Variants in TRAPPC10 observed in about 807,000 individuals in gnomAD.
TRAPPC10 encodes the protein trafficking protein particle complex subunit 10.
In TRAPPC10, 23 loss-of-function variants were observed where a neutral mutation model predicts 125.5. The ratio of observed to expected loss-of-function variants is 0.18; its 90% confidence interval spans 0.13 to 0.26. TRAPPC10 has a LOEUF of 0.26. Among genes scored for constraint, TRAPPC10 ranks in the 10% least tolerant of loss-of-function variants. The pLI, the probability that TRAPPC10 is intolerant of heterozygous loss-of-function variation, is 1.00. For synonymous variants in TRAPPC10, 509 were observed against 518.0 expected (o/e 0.98, Z 0.24); for missense variants, 1,123 against 1,308.4 (o/e 0.86, Z 2.19).
At chr21:44,064,804 CT>C (rs1348463136) in intron 7 of TRAPPC10, among the ~76,000 whole-genome samples, 8 of 152,274 alleles carry the variant, frequency 5.3e-5, no homozygotes, top group African/African-American at 1.9e-4. Context: ...TATTTCAGAG[CT>C]AAGCTCATTA....
rs373150278 is a variant in TRAPPC10, at chr21:44,089,950, G to C, written c.2870+17G>C. The C allele has an allele frequency of 5.6e-6, 9 of 1,597,476 alleles. No homozygotes were observed. The Admixed American group carries it at 1.2e-4, about 21-fold the overall frequency. ...AGGAACACGGTAACGGAGGCGTAGC[G>C]TGCGGGCCCTGGCTTCTTTCCCCAG... On this transcript the variant is annotated intron_variant, in intron 18 of 22. Coordinates refer to ENST00000291574, the MANE Select transcript of TRAPPC10 (RefSeq NM_003274.5).
rs79854733 is a variant in TRAPPC10 at position 44,038,884 on chromosome 21, A to G, written c.285+957A>G. ...CCTTTCCCACGGGCTCCACACAGCC[A>G]GTGAGGACACACGTGAGGAGATTTC... On this transcript the variant is annotated intron_variant, in intron 3 of 22. Coordinates refer to ENST00000291574, the MANE Select transcript of TRAPPC10 (RefSeq NM_003274.5). Among the ~76,000 whole-genome samples, 1,044 of 152,246 alleles carry G rather than the reference A, an allele frequency of 6.9e-3. 8 individuals carry two copies. Among genetic ancestry groups the G allele is most frequent in the African/African-American group, 0.023 (967 of 41,536 alleles).
chr21:44,054,958 G>A (rs1310852940), intron 4 of TRAPPC10, among the ~76,000 whole-genome samples: 2 of 152,168 alleles, frequency 1.3e-5, no homozygotes, highest in African/African-American at 4.8e-5. Flanking sequence ...AGGTCAGCAG[G>A]CTTGAGCTGG....
At chr21:44,036,487 T>C (rs2033993646) in intron 2 of TRAPPC10, among the ~76,000 whole-genome samples, 1 of 152,228 alleles carries the variant, frequency 6.6e-6, no homozygotes, top group African/African-American at 2.4e-5. Flanking sequence ...CACTTCTGTG[T>C]GCAGTTCTGT....
Position 44,016,759 on chromosome 21 carries a change from C to T in TRAPPC10, c.67+4199C>T, listed in dbSNP as rs191935551. On this transcript the variant is annotated intron_variant, in intron 1 of 22. Coordinates refer to ENST00000291574, the MANE Select transcript of TRAPPC10 (RefSeq NM_003274.5). ...CTGCAAGCTCCGCCTCCCGGGTTCA[C>T]GCCATTCTCCTGCCTCAGCCTTCCG... is the stretch of plus-strand genomic sequence containing the variant. Among the ~76,000 whole-genome samples, 180 of 152,170 alleles carry T rather than the reference C, an allele frequency of 1.2e-3. 2 individuals carry two copies. The East Asian group carries it at 0.021, about 18-fold the overall frequency.
At position 44,059,147 on chromosome 21, in the gene TRAPPC10, C is replaced by T. The variant is rs781551997; in HGVS notation, c.723C>T (p.Asp241=). ...TCGAGATGCTGCAGCAGTTCGAGGA[C>T]GCCCTGGTGCAGTACGACGAACTGG... The part of the protein sequence containing the change: ...FVFEMLQQFE[D]ALVQYDELDA... The change falls in exon 6 of 23, where the codon GAC becomes GAT. Residue 241 remains aspartate, a synonymous_variant. Coordinates refer to ENST00000291574, the MANE Select transcript of TRAPPC10 (RefSeq NM_003274.5). This position sits in a 1 kb window ranked among gnomAD's most constrained non-coding sequence, Gnocchi z 4.4. The T allele has an allele frequency of 9.3e-6, 15 of 1,607,706 alleles. No individual in the cohort carries two copies. Among genetic ancestry groups the T allele is most frequent in the East Asian group, 2.2e-5 (1 of 44,680 alleles).
At chr21:44,075,777 C>T (rs1478669263) in intron 9 of TRAPPC10, among the ~76,000 whole-genome samples, 2 of 152,186 alleles carry the variant, frequency 1.3e-5, no homozygotes, top group South Asian at 2.1e-4. Flanking sequence ...TGGCTGGGCA[C>T]GGTGGCTCCC....
At chr21:44,031,596 A>G (rs968899586) in intron 1 of TRAPPC10, among the ~76,000 whole-genome samples, 1 of 152,184 alleles carries the variant, frequency 6.6e-6, no homozygotes, top group Non-Finnish European at 1.5e-5. Context: ...ACAGAATGAG[A>G]GGGTGCCTGG....
chr21:44,026,215 C>A (rs2033054001), intron 1 of TRAPPC10, among the ~76,000 whole-genome samples: 1 of 152,028 alleles, frequency 6.6e-6, no homozygotes, highest in South Asian at 2.1e-4. Flanking sequence ...TCCCTGCCCC[C>A]ACCCCCGACT....
chr21:44,092,642 A>T (rs896670566), intron 19 of TRAPPC10, among the ~76,000 whole-genome samples: 3 of 58 alleles, frequency 0.052, no homozygotes, highest in African/African-American at 0.12. Context: ...TCTTTCAGAT[A>T]TCACTGGGGG....
intron 1 of TRAPPC10, among the ~76,000 whole-genome samples, chr21:44,029,481 G>T (rs1384524837): frequency 6.6e-6 from 1 of 152,198 alleles, no homozygotes; most frequent in Non-Finnish European, 1.5e-5. Context: ...GAAGATTTAA[G>T]AGTTTATTAA....
chr21:44,050,255 A>G lies in TRAPPC10; in HGVS notation c.286-2025A>G, dbSNP rs537748138. On this transcript the variant is annotated intron_variant, in intron 3 of 22. Coordinates refer to ENST00000291574, the MANE Select transcript of TRAPPC10 (RefSeq NM_003274.5). Reference sequence around the variant, plus strand: ...CCAGGATTATGTGGAACTTCTCTGTACTCCCTCTGTCCTGCCTCATGCTCT... The same window carrying G: ...CCAGGATTATGTGGAACTTCTCTGTGCTCCCTCTGTCCTGCCTCATGCTCT... 3.8e-4 allele frequency among the ~76,000 whole-genome samples: 57 copies of G among 151,544 alleles called. 1 individual carries two copies. The Middle Eastern group carries it at 0.021, about 55-fold the overall frequency.
At chr21:44,049,658 T>G (rs1033340414) in intron 3 of TRAPPC10, among the ~76,000 whole-genome samples, 1 of 152,160 alleles carries the variant, frequency 6.6e-6, no homozygotes, top group African/African-American at 2.4e-5. Flanking sequence ...TGTTCTGTAC[T>G]TCCCTCTACT....
intron 19 of TRAPPC10, among the ~76,000 whole-genome samples, chr21:44,092,836 G>A (rs1353842688): frequency 6.6e-6 from 1 of 151,728 alleles, no homozygotes; most frequent in Non-Finnish European, 1.5e-5. Context: ...CGTTCTTGTC[G>A]CCCAGGCTGG....
At chr21:44,069,499 C>T (rs2036696444) in intron 7 of TRAPPC10, among the ~76,000 whole-genome samples, 1 of 152,178 alleles carries the variant, frequency 6.6e-6, no homozygotes, top group Non-Finnish European at 1.5e-5. Context: ...GAAAGGCTTT[C>T]CTCGGGTATC....
intron 1 of TRAPPC10, among the ~76,000 whole-genome samples, chr21:44,029,164 G>A (rs1370836239): frequency 6.6e-6 from 1 of 152,034 alleles, no homozygotes; most frequent in Non-Finnish European, 1.5e-5. Context: ...GCGTGATCTC[G>A]GCTCACTGCA....
chr21:44,060,049 T>A (rs2035915932), intron 6 of TRAPPC10: 1 of 154,870 alleles, frequency 6.5e-6, no homozygotes, highest in Admixed American at 6.3e-5. Context: ...CAGGAGAACC[T>A]GGAGGGAGAT....
At chr21:44,014,159 T>A (rs1251681071) in intron 1 of TRAPPC10, among the ~76,000 whole-genome samples, 1 of 152,254 alleles carries the variant, frequency 6.6e-6, no homozygotes, top group Non-Finnish European at 1.5e-5. Flanking sequence ...ATAGGCATTA[T>A]GTAAATACAT....
chr21:44,089,325 G>A, intron 17 of TRAPPC10: 1 of 355,186 alleles, frequency 2.8e-6, no homozygotes, highest in African/African-American at 2.1e-5. Context: ...GGATGTAATA[G>A]CTTTGTCCTC....
Sources: allele counts gnomAD v4.1 joint callset (sites outside exome capture counted in the v4.1 genomes callset), GRCh38; gene constraint gnomAD v4.1.1; non-coding constraint Gnocchi (gnomAD v3.1); transcripts MANE v1.5; gene names NCBI Gene and HGNC (gene_info 2026-07-23, HGNC 2026-07-21).